Variants in MGAT4C observed in about 807,000 individuals in gnomAD.
MGAT4C encodes the protein alpha-1,3-mannosyl-glycoprotein 4-beta-N-acetylglucosaminyltransferase C.
A neutral mutation model predicts 40.1 loss-of-function variants in MGAT4C; 19 were observed. The observed-to-expected ratio is 0.47, with a 90% confidence interval of 0.33 to 0.70. The LOEUF (loss-of-function observed/expected upper bound fraction) is 0.70, where lower values mean the gene tolerates loss of function less well. Among genes scored for constraint, MGAT4C ranks in the 30% least tolerant of loss-of-function variants. The pLI is 0.02. For synonymous variants in MGAT4C, 181 were observed against 187.1 expected (o/e 0.97, Z 0.27); for missense variants, 491 against 563.2 (o/e 0.87, Z 1.30).
At chr12:86,554,127 CAT>C (rs1959495651) in intron 2 of MGAT4C, among the ~76,000 whole-genome samples, 1 of 35,052 alleles carries the variant, frequency 2.9e-5, no homozygotes, top group African/African-American at 1.4e-4. Flanking sequence ...AACACATACA[CAT>C]ACATACACAC....
chr12:86,517,632 G>A (rs930519820), intron 2 of MGAT4C, among the ~76,000 whole-genome samples: 11 of 147,146 alleles, frequency 7.5e-5, no homozygotes, highest in East Asian at 2.0e-4. Context: ...TTATTTATTT[G>A]TTTGTTTGTT....
At chr12:86,579,249 C>A (rs1960682159) in intron 2 of MGAT4C, among the ~76,000 whole-genome samples, 1 of 151,394 alleles carries the variant, frequency 6.6e-6, no homozygotes, top group Non-Finnish European at 1.5e-5. Context: ...TTCCTGTCTT[C>A]CTCTAATGAA....
chr12:86,736,871 C>A (rs769242339), intron 1 of MGAT4C, among the ~76,000 whole-genome samples: 1 of 151,668 alleles, frequency 6.6e-6, no homozygotes, highest in East Asian at 1.9e-4. Flanking sequence ...TAAGTAAATA[C>A]AGTCCTTCTA....
chr12:86,140,021 G>A (rs577837954), intron 1 of MGAT4C, among the ~76,000 whole-genome samples: 1 of 152,124 alleles, frequency 6.6e-6, no homozygotes, highest in South Asian at 2.1e-4. Context: ...GATTCTTTTT[G>A]CCCTGACCTC....
At chr12:86,659,239 T>C (rs2136545674) in intron 2 of MGAT4C, among the ~76,000 whole-genome samples, 1 of 152,178 alleles carries the variant, frequency 6.6e-6, no homozygotes, top group Middle Eastern at 3.4e-3. Flanking sequence ...CTAAGCTCCA[T>C]ATTTTCATTT....
At chr12:86,213,065 G>C (rs909571371) in intron 1 of MGAT4C, among the ~76,000 whole-genome samples, 5 of 152,108 alleles carry the variant, frequency 3.3e-5, no homozygotes, top group South Asian at 2.1e-4. Flanking sequence ...AATTCAGGAA[G>C]TGACGTTTCC....
upstream of MGAT4C, among the ~76,000 whole-genome samples, chr12:86,260,245 T>C (rs148117000): frequency 6.6e-6 from 1 of 152,270 alleles, no homozygotes; most frequent in African/African-American, 2.4e-5. Flanking sequence ...ACGCTTGTTG[T>C]CCACAGCTGG....
At chr12:86,789,653 T>C (rs566618584) in intron 1 of MGAT4C, among the ~76,000 whole-genome samples, 1 of 152,216 alleles carries the variant, frequency 6.6e-6, no homozygotes, top group South Asian at 2.1e-4. Context: ...CTGAATTGAA[T>C]GGTACTCGTT....
chr12:86,711,393 T>C (rs917034328), intron 2 of MGAT4C, among the ~76,000 whole-genome samples: 1 of 151,922 alleles, frequency 6.6e-6, no homozygotes, highest in African/African-American at 2.4e-5. Flanking sequence ...CCAACACTCA[T>C]ATTTACGGGG....
At chr12:86,518,237 T>G (rs993215282) in intron 2 of MGAT4C, among the ~76,000 whole-genome samples, 1 of 152,178 alleles carries the variant, frequency 6.6e-6, no homozygotes, top group African/African-American at 2.4e-5. Flanking sequence ...TTCATAAAAC[T>G]TAACCACTTT....
rs73394957 is a variant in MGAT4C at position 86,643,282 on chromosome 12, C to A, written c.-229+83927G>T. 3.3e-3 allele frequency among the ~76,000 whole-genome samples: 497 copies of A among 151,898 alleles called. 2 individuals carry two copies. The highest frequency in any genetic ancestry group is 0.012 in the African/African-American group (484 of 41,496). On this transcript the variant is annotated intron_variant, in intron 2 of 7. Transcript: ENST00000548651. ...TGCCGTTAGGTCCCACTTCTCAACACTATTGCACTGGGGATTAGGATTCCA... is the reference window on the plus strand; with the variant it reads ...TGCCGTTAGGTCCCACTTCTCAACAATATTGCACTGGGGATTAGGATTCCA...
At chr12:86,515,378 A>C (rs1958665006) in intron 2 of MGAT4C, among the ~76,000 whole-genome samples, 1 of 152,216 alleles carries the variant, frequency 6.6e-6, no homozygotes, top group South Asian at 2.1e-4. Flanking sequence ...TGGTATACAA[A>C]AAAATTCTAC....
At chr12:86,131,771 C>T (rs561806857) in intron 1 of MGAT4C, among the ~76,000 whole-genome samples, 7 of 151,610 alleles carry the variant, frequency 4.6e-5, no homozygotes, top group Non-Finnish European at 7.4e-5. Context: ...ACAATACAAC[C>T]GTTAAGAAAA....
At chr12:86,734,444 T>C (rs982683922) in intron 1 of MGAT4C, among the ~76,000 whole-genome samples, 19 of 152,012 alleles carry the variant, frequency 1.2e-4, no homozygotes, top group Admixed American at 6.6e-4. Context: ...GAAAGGGGCA[T>C]AGTATGAGCT....
intron 3 of MGAT4C, among the ~76,000 whole-genome samples, chr12:86,350,291 T>TCCCAAG: frequency 6.6e-6 from 1 of 152,074 alleles, no homozygotes; most frequent in Non-Finnish European, 1.5e-5. Flanking sequence ...CAAGGAAAAA[T>TCCCAAG]GAAGTGGGCT....
At chr12:86,407,168 AG>A (rs1375273574) in intron 3 of MGAT4C, among the ~76,000 whole-genome samples, 1 of 152,144 alleles carries the variant, frequency 6.6e-6, no homozygotes, top group Non-Finnish European at 1.5e-5. Flanking sequence ...AAAAGTACAT[AG>A]GGTGAGATCT....
rs776069370 is a variant in MGAT4C, at chr12:85,979,900, A to C, written c.826T>G (p.Leu276Val). 1.2e-6 allele frequency: 2 copies of C among 1,613,838 alleles called. No homozygotes were observed. Among genetic ancestry groups the C allele is most frequent in the Non-Finnish European group, 1.7e-6 (2 of 1,179,856 alleles). Residue 276 changes from leucine (L) to valine (V), a missense_variant, in exon 5 of 5, where the codon TTA (leucine) becomes GTA (valine). By Grantham distance (32) the Leu-to-Val change is conservative. Transcript: ENST00000611864. ...SHDLPRLAHF[L>V]LMFYQEMPCD... is the part of the protein sequence containing the mutation. ...GGCATTTCTTGATAAAACATTAATA[A>C]AAAATGGGCCAAACGTGGGAGATCA...
intron 2 of MGAT4C, among the ~76,000 whole-genome samples, chr12:86,702,368 AG>A (rs1173848641): frequency 6.6e-6 from 1 of 152,178 alleles, no homozygotes; most frequent in Non-Finnish European, 1.5e-5. Context: ...TAGAAGAAAT[AG>A]CCTTATCTTA....
intron 1 of MGAT4C, among the ~76,000 whole-genome samples, chr12:86,234,046 G>A (rs1452170459): frequency 1.3e-5 from 2 of 152,000 alleles, no homozygotes; most frequent in African/African-American, 4.8e-5. Context: ...AATAATGTAT[G>A]CTATCATAGT....
Sources: allele counts gnomAD v4.1 joint callset (sites outside exome capture counted in the v4.1 genomes callset), GRCh38; gene constraint gnomAD v4.1.1; transcripts MANE v1.5; gene names NCBI Gene and HGNC (gene_info 2026-07-23, HGNC 2026-07-21).